AFF3: variants seen among roughly 807,000 people sequenced by gnomAD.
AFF3 encodes ALF transcription elongation factor 3, also known as AF4/FMR2 family member 3.
In AFF3, 32 loss-of-function variants were observed where a neutral mutation model predicts 129.7. The observed-to-expected ratio is 0.25, with a 90% confidence interval of 0.19 to 0.33. The LOEUF is 0.33. AFF3 is among the 10% of genes least tolerant of loss of function. The probability of loss-of-function intolerance (pLI) is 1.00; values close to 1 mark genes in which losing one functional copy is unlikely to be tolerated. For synonymous variants in AFF3, 644 were observed against 635.4 expected (o/e 1.01, Z -0.20); for missense variants, 1,373 against 1,592.0 (o/e 0.86, Z 2.34).
rs1267167428 is a variant in AFF3 at position 99,593,822 on chromosome 2, C to T, written c.1839G>A (p.Ala613=). 31 of 1,607,890 alleles carry T rather than the reference C, an allele frequency of 1.9e-5. No homozygotes were observed. Among genetic ancestry groups the T allele is most frequent in the Non-Finnish European group, 2.5e-5 (30 of 1,177,976 alleles). The change falls in exon 15 of 25, where the codon GCG becomes GCA. Residue 613 remains alanine, a synonymous_variant. Transcript: ENST00000672756. The part of the protein sequence containing the change: ...HRPEEPAAAD[A]LGTSVVVPPE... Reference sequence around the variant, plus strand: ...GGGGGACCACCACGCTCGTCCCCAGCGCGTCCGCGGCCGCGGGCTCCTCGG... The same window carrying T: ...GGGGGACCACCACGCTCGTCCCCAGTGCGTCCGCGGCCGCGGGCTCCTCGG...
intron 7 of AFF3, among the ~76,000 whole-genome samples, chr2:99,883,748 T>A (rs1692901300): frequency 1.3e-5 from 2 of 152,198 alleles, no homozygotes; most frequent in South Asian, 4.1e-4. Context: ...GAGAGCCTTC[T>A]ACTGAGTCAG....
chr2:99,627,144 A>T (rs1682663021), intron 13 of AFF3, among the ~76,000 whole-genome samples: 1 of 152,208 alleles, frequency 6.6e-6, no homozygotes, highest in Admixed American at 6.5e-5. Context: ...GTCTTCGAGG[A>T]ATCACCAGTG....
intron 11 of AFF3, among the ~76,000 whole-genome samples, chr2:99,715,773 G>A (rs1438844086): frequency 6.6e-6 from 1 of 151,442 alleles, no homozygotes; most frequent in Non-Finnish European, 1.5e-5. Flanking sequence ...CCAGGTTCAC[G>A]CCGTTCTTCT....
At chr2:99,931,464 T>C (rs1256276975) in intron 7 of AFF3, among the ~76,000 whole-genome samples, 1 of 152,248 alleles carries the variant, frequency 6.6e-6, no homozygotes, top group African/African-American at 2.4e-5. Context: ...TGGACCTTTG[T>C]GGGTATAAAC....
chr2:99,833,411 TA>T (rs1259169292), intron 8 of AFF3, among the ~76,000 whole-genome samples: 1 of 152,176 alleles, frequency 6.6e-6, no homozygotes, highest in African/African-American at 2.4e-5. Context: ...AAATATTCCT[TA>T]AGAATATTTT....
chr2:99,950,832 C>T (rs1397913258), intron 7 of AFF3, among the ~76,000 whole-genome samples: 1 of 152,126 alleles, frequency 6.6e-6, no homozygotes. Context: ...AAACGTACTT[C>T]CTATGACAAA....
chr2:99,975,868 GA>G (rs5832890), intron 7 of AFF3, among the ~76,000 whole-genome samples: 6,861 of 74,510 alleles, frequency 0.092, 286 homozygotes, highest in African/African-American at 0.19. Context: ...AGATTAAAAT[GA>G]AAAAAAAAAA....
At chr2:100,135,643 C>A (rs1270706706) in intron 1 of AFF3, among the ~76,000 whole-genome samples, 1 of 152,160 alleles carries the variant, frequency 6.6e-6, no homozygotes, top group Non-Finnish European at 1.5e-5. Flanking sequence ...ACATCTTGAG[C>A]AAATGCGGAA....
chr2:100,037,504 ATATT>A (rs1348033110), intron 4 of AFF3, among the ~76,000 whole-genome samples: 5,255 of 56,016 alleles, frequency 0.094, 65 homozygotes, highest in Non-Finnish European at 0.13. Flanking sequence ...ATATAAATAT[ATATT>A]TATATTTTAT....
At chr2:100,056,063 T>TCTCA (rs1553514734) in intron 4 of AFF3, among the ~76,000 whole-genome samples, 41 of 120,568 alleles carry the variant, frequency 3.4e-4, no homozygotes, top group African/African-American at 1.2e-3. Context: ...TGTCTCTCTC[T>TCTCA]CACACACACA....
chr2:99,919,332 A>G (rs1695699838), intron 7 of AFF3, among the ~76,000 whole-genome samples: 1 of 151,740 alleles, frequency 6.6e-6, no homozygotes, highest in Admixed American at 6.6e-5. Context: ...GAATTTAATT[A>G]TGTGAAATCT....
intron 7 of AFF3, among the ~76,000 whole-genome samples, chr2:99,851,294 G>T (rs1255158792): frequency 6.6e-6 from 1 of 152,214 alleles, no homozygotes; most frequent in Non-Finnish European, 1.5e-5. Context: ...CTGTAACTTT[G>T]CTGGGCTTGA....
chr2:99,873,991 G>C (rs1163819839), intron 7 of AFF3, among the ~76,000 whole-genome samples: 1 of 151,956 alleles, frequency 6.6e-6, no homozygotes, highest in Non-Finnish European at 1.5e-5. Context: ...TGGATAACAA[G>C]GTGAAACCCC....
chr2:99,618,698 G>A (rs1219536051), intron 13 of AFF3, among the ~76,000 whole-genome samples: 1 of 152,126 alleles, frequency 6.6e-6, no homozygotes, highest in Non-Finnish European at 1.5e-5. Flanking sequence ...TTACCCATCT[G>A]GTCATTTTGC....
intron 4 of AFF3, among the ~76,000 whole-genome samples, chr2:100,013,523 C>A (rs1682733302): frequency 1.3e-5 from 2 of 152,154 alleles, no homozygotes; most frequent in South Asian, 4.1e-4. Flanking sequence ...CAGCAATGTC[C>A]AAAGTACCTT....
At chr2:99,743,563 T>C (rs1325686456) in intron 10 of AFF3, among the ~76,000 whole-genome samples, 6 of 152,222 alleles carry the variant, frequency 3.9e-5, no homozygotes, top group Non-Finnish European at 8.8e-5. Context: ...CATGGAATGA[T>C]AGCATCCTCT....
chr2:99,633,900 T>TCTTC (rs1290105497), intron 13 of AFF3, among the ~76,000 whole-genome samples: 1 of 150,236 alleles, frequency 6.7e-6, no homozygotes, highest in Admixed American at 6.7e-5. Flanking sequence ...AAACCTCTTT[T>TCTTC]CTTCCTTCCT....
At chr2:99,880,528 C>A (rs991175953) in intron 7 of AFF3, among the ~76,000 whole-genome samples, 1 of 152,146 alleles carries the variant, frequency 6.6e-6, no homozygotes, top group African/African-American at 2.4e-5. Context: ...GGATGGGCAG[C>A]GTGGGCTGGC....
In AFF3 at chr2:99,849,482, G is replaced by A. The variant is rs79383265; in HGVS notation, c.874-11958C>T. ...TGCCATTAGTTACATATGTCCCTGC[G>A]GTGGGGGCGTCATCTGATTTCTCTA... On this transcript the variant is annotated intron_variant, in intron 7 of 24. Coordinates refer to ENST00000672756, the MANE Select transcript of AFF3 (RefSeq NM_001386135.1). 1.3e-3 allele frequency among the ~76,000 whole-genome samples: 199 copies of A among 152,146 alleles called. 3 individuals are homozygous for A. The East Asian group carries it at 0.033, about 25-fold the overall frequency.
Sources: gnomAD v4.1 joint callset for allele counts (sites outside exome capture counted in the v4.1 genomes callset) on GRCh38, gnomAD v4.1.1 for gene constraint, MANE v1.5 for transcripts, NCBI Gene and HGNC (gene_info 2026-07-23, HGNC 2026-07-21) for gene names.